Variants in STK33 observed in about 807,000 individuals in gnomAD.
The protein encoded by STK33 is serine/threonine-protein kinase 33.
A neutral mutation model predicts 58.0 loss-of-function variants in STK33; 52 were observed. The observed-to-expected ratio is 0.90, with a 90% CI of 0.72 to 1.13. The LOEUF (loss-of-function observed/expected upper bound fraction) is 1.13. STK33 is among the 50% of genes most tolerant of loss of function. The probability of loss-of-function intolerance (pLI) is 0.00; values close to 1 mark genes in which losing one functional copy is unlikely to be tolerated. For synonymous variants in STK33, 215 were observed against 200.1 expected, an observed-to-expected ratio of 1.07 and a Z score of -0.63; for missense variants, 630 against 604.2, an observed-to-expected ratio of 1.04 and a Z score of -0.45.
At chr11:8,507,488 A>G (rs984785248) in intron 1 of STK33, among the ~76,000 whole-genome samples, 1 of 152,222 alleles carries the variant, frequency 6.6e-6, no homozygotes, top group Non-Finnish European at 1.5e-5. Flanking sequence ...GGTATGAGAC[A>G]GGGAATAAGT....
intron 11 of STK33, among the ~76,000 whole-genome samples, chr11:8,450,622 A>G (rs1946160867): frequency 6.6e-6 from 1 of 152,166 alleles, no homozygotes. Context: ...CAATAACAAA[A>G]AAAAAGTTCA....
intron 1 of STK33, among the ~76,000 whole-genome samples, chr11:8,525,020 A>C (rs1019680933): frequency 6.6e-6 from 1 of 152,142 alleles, no homozygotes; most frequent in African/African-American, 2.4e-5. Context: ...TACCTAAAAA[A>C]ACTGGTTTTT....
In STK33 at chr11:8,457,467, C is replaced by A; in HGVS notation, c.571G>T (p.Val191Leu). 2 of 1,597,920 alleles carry A rather than the reference C, an allele frequency of 1.3e-6. No homozygotes were observed. The highest frequency in any genetic ancestry group is 1.1e-5 in the South Asian group (1 of 88,806). The change falls in exon 9 of 16, where the codon GTG becomes TTG. Residue 191 changes from valine to leucine, a missense_variant. By Grantham distance (32) the Val-to-Leu change is conservative. Transcript: ENST00000687296. The part of the protein sequence containing the change: ...VFETPKKMYL[V>L]MELCEDGELK... The stretch of plus-strand genomic sequence containing the variant: ...TCTCCATCCTCACAAAGCTCCATCA[C>A]AAGGTACATTTTCTGACATTATATA...
intron 14 of STK33, among the ~76,000 whole-genome samples, chr11:8,428,884 T>A (rs1365111670): frequency 6.6e-6 from 1 of 152,158 alleles, no homozygotes; most frequent in Admixed American, 6.5e-5. Flanking sequence ...CTGATAATAA[T>A]CATAATGAAA....
chr11:8,412,159 T>C (rs999260031), intron 15 of STK33, among the ~76,000 whole-genome samples: 7 of 152,318 alleles, frequency 4.6e-5, no homozygotes, highest in Admixed American at 3.3e-4. Flanking sequence ...TGTGTATACA[T>C]GTATATGTGT....
Position 8,474,793 on chromosome 11 carries a change from A to G in STK33, c.113T>C (p.Leu38Ser). ...CSSKTRVPPV[L>S]VVEMSQTSSI... ...TGATGTCTGTGACATTTCCACCACC[A>G]AAACTGGAGGAACCCTTGTTTTGCT... Residue 38 changes from leucine to serine, a missense_variant, in exon 5 of 16, where the codon TTG becomes TCG. Physicochemically the swap from Leu to Ser is moderately radical, Grantham distance 145. Coordinates refer to ENST00000687296, the MANE Select transcript of STK33 (RefSeq NM_001352389.2). 6.2e-7 allele frequency: 1 copy of G among 1,613,522 alleles called. No individual in the cohort carries two copies. Among genetic ancestry groups the G allele is most frequent in the South Asian group, 1.1e-5 (1 of 90,858 alleles).
intron 15 of STK33, among the ~76,000 whole-genome samples, chr11:8,396,382 G>A (rs1224430263): frequency 1.3e-5 from 2 of 152,218 alleles, no homozygotes; most frequent in Non-Finnish European, 2.9e-5. Flanking sequence ...TACTGTATGT[G>A]TATGGGTACC....
chr11:8,487,569 T>G (rs1352976091), intron 1 of STK33, among the ~76,000 whole-genome samples: 1 of 151,942 alleles, frequency 6.6e-6, no homozygotes, highest in East Asian at 1.9e-4. Context: ...CTGAATAACA[T>G]TAACTTCTAA....
intron 14 of STK33, among the ~76,000 whole-genome samples, chr11:8,417,530 G>A (rs1003210063): frequency 6.6e-6 from 1 of 152,102 alleles, no homozygotes; most frequent in Non-Finnish European, 1.5e-5. Flanking sequence ...TAATACATAT[G>A]AGCTGGGGTG....
chr11:8,461,613 A>G (rs751150125), intron 8 of STK33, among the ~76,000 whole-genome samples, 192 bp downstream of exon 8: 1 of 152,198 alleles, frequency 6.6e-6, no homozygotes, highest in East Asian at 1.9e-4. Context: ...TGAAGACATC[A>G]ATCTAATCAT....
At chr11:8,390,004 G>A (rs763238492), downstream of STK33, among the ~76,000 whole-genome samples, 13 of 152,228 alleles carry the variant, frequency 8.5e-5, no homozygotes, top group South Asian at 2.1e-4. Context: ...CCCTCCTCTC[G>A]CTCCGGCTTC....
chr11:8,495,124 A>C (rs1950955174), intron 1 of STK33, among the ~76,000 whole-genome samples: 3 of 152,250 alleles, frequency 2.0e-5, no homozygotes, highest in African/African-American at 7.2e-5. Context: ...GAGCTTCTGC[A>C]CAGCAAAAGA....
chr11:8,392,530 T>C lies in STK33; in HGVS notation c.1525A>G (p.Arg509Gly). The change falls in exon 16 of 16, where the codon AGA (arginine) becomes GGA (glycine). Residue 509 changes from arginine (R) to glycine (G), a missense_variant. Transcript: ENST00000687296. ...KYPAKSGALSRTKKKL is the reference protein window; with the variant it reads ...KYPAKSGALSGTKKKL ...GAACCTTAGAGTTTCTTTTTGGTTC[T>C]GGACAGGGCGCCGGATTTAGCAGGG... The C allele has an allele frequency of 6.2e-7, 1 of 1,613,030 alleles. No individual in the cohort carries two copies. Among genetic ancestry groups the C allele is most frequent in the East Asian group, 2.2e-5 (1 of 44,886 alleles).
At chr11:8,491,838 C>G (rs1426428477) in intron 1 of STK33, among the ~76,000 whole-genome samples, 1 of 152,122 alleles carries the variant, frequency 6.6e-6, no homozygotes, top group Non-Finnish European at 1.5e-5. Flanking sequence ...TCATATCCAG[C>G]CAACTAAGCT....
chr11:8,338,736 A>T, the STK33 span, among the ~76,000 whole-genome samples: 1 of 152,088 alleles, frequency 6.6e-6, no homozygotes, highest in African/African-American at 2.4e-5. Context: ...AACGTGGAAA[A>T]GGTGACCCAG....
the STK33 span, among the ~76,000 whole-genome samples, chr11:8,371,826 C>T: frequency 7.0e-6 from 1 of 142,162 alleles, no homozygotes; most frequent in African/African-American, 2.6e-5. Context: ...TTCCTCCTTC[C>T]CTCCCACCCT....
the STK33 span, among the ~76,000 whole-genome samples, chr11:8,370,770 G>A: frequency 1.3e-5 from 2 of 152,312 alleles, no homozygotes; most frequent in East Asian, 3.9e-4. Flanking sequence ...GCCACCCAAG[G>A]CACTGCCAAC....
At chr11:8,523,073 C>T (rs562183305) in intron 1 of STK33, among the ~76,000 whole-genome samples, 126 of 152,372 alleles carry the variant, frequency 8.3e-4, no homozygotes, top group African/African-American at 2.8e-3. Flanking sequence ...GGATTGCAGA[C>T]GGAGTCTCGC....
At chr11:8,495,874 C>T (rs1951019080) in intron 1 of STK33, among the ~76,000 whole-genome samples, 1 of 151,236 alleles carries the variant, frequency 6.6e-6, no homozygotes, top group East Asian at 2.0e-4. Context: ...CAAATGTTCT[C>T]ACTCATGGAT....
Sources: allele counts gnomAD v4.1 joint callset (sites outside exome capture counted in the v4.1 genomes callset), GRCh38; gene constraint gnomAD v4.1.1; transcripts MANE v1.5; gene names NCBI Gene and HGNC (gene_info 2026-07-23, HGNC 2026-07-21).